TEX55: variants seen among roughly 807,000 people sequenced by gnomAD.
TEX55 encodes testis-specific expressed protein 55.
In TEX55, 31 loss-of-function variants were observed where a neutral mutation model predicts 44.6. That is an observed-to-expected ratio of 0.69 (90% CI 0.52 to 0.94). The LOEUF is 0.94. Among genes scored for constraint, TEX55 ranks in the 40% least tolerant of loss-of-function variants. The pLI is 0.00. For missense variants in TEX55, 639 were observed against 638.4 expected (o/e 1.00, Z -0.01); for synonymous variants, 230 against 230.9 (o/e 1.00, Z 0.04).
In TEX55 at chr3:119,146,247, G is replaced by T. The variant is rs559349551; in HGVS notation, c.58G>T (p.Ala20Ser). 5.6e-6 allele frequency: 9 copies of T among 1,613,166 alleles called. No individual in the cohort carries two copies. The African/African-American group carries it at 8.0e-5, about 14-fold the overall frequency. The part of the protein sequence containing the change: ...AEPLKHESPA[A>S]PSSAGHTKGQ... Reference sequence around the variant, plus strand: ...ACCCTTGAAACATGAAAGCCCAGCCGCTCCCTCAAGTGCTGGCCACACTAA... The same window carrying T: ...ACCCTTGAAACATGAAAGCCCAGCCTCTCCCTCAAGTGCTGGCCACACTAA... Residue 20 changes from alanine to serine, a missense_variant, in exon 1 of 3, where the codon GCT becomes TCT. Physicochemically the swap from Ala to Ser is moderately conservative, Grantham distance 99. Coordinates refer to ENST00000295622, the MANE Select transcript of TEX55 (RefSeq NM_152539.3).
intron 2 of TEX55, 45 bp downstream of exon 2, chr3:119,148,368 G>A: frequency 1.3e-6 from 2 of 1,552,428 alleles, no homozygotes; most frequent in African/African-American, 1.4e-5. Flanking sequence ...TTTTCAAGAG[G>A]TACAAGAAAG....
chr3:119,149,479 T>C (rs1377716164), intron 2 of TEX55, among the ~76,000 whole-genome samples: 1 of 152,158 alleles, frequency 6.6e-6, no homozygotes, highest in Non-Finnish European at 1.5e-5. Context: ...CTGAAAAACC[T>C]CCCTGCTGTT....
chr3:119,147,564 A>T lies in TEX55; in HGVS notation c.1375A>T (p.Thr459Ser), dbSNP rs199894612. The change falls in exon 1 of 3, where the codon ACT becomes TCT. Residue 459 changes from threonine (T) to serine (S), a missense_variant. Thr to Ser is a moderately conservative substitution (Grantham distance 58). Transcript: ENST00000295622. ...KLNYTSSQEK[T>S]QAIVTKSDEF... ...GAACTATACCAGCAGTCAAGAAAAA[A>T]CTCAAGCCATAGTAACCAAATCTGT... The T allele has an allele frequency of 8.1e-6, 13 of 1,612,480 alleles. No homozygotes were observed. The Admixed American group carries it at 1.3e-4, about 17-fold the overall frequency.
At position 119,147,195 on chromosome 3, in the gene TEX55, G is replaced by A; in HGVS notation, c.1006G>A (p.Asp336Asn). ...AHSNADQPPVDNAHYTESDQT... is the reference protein window; with the variant it reads ...AHSNADQPPVNNAHYTESDQT... The stretch of plus-strand genomic sequence containing the variant: ...TAGTAATGCTGATCAACCTCCAGTT[G>A]ACAATGCTCACTACACTGAATCTGA... The change falls in exon 1 of 3, where the codon GAC becomes AAC. Residue 336 changes from aspartate to asparagine, a missense_variant. Physicochemically the swap from Asp to Asn is conservative, Grantham distance 23 (BLOSUM62 1). Transcript: ENST00000295622. The A allele has an allele frequency of 6.2e-7, 1 of 1,614,092 alleles. No homozygotes were observed. The highest frequency in any genetic ancestry group is 8.5e-7 in the Non-Finnish European group (1 of 1,180,026).
Position 119,146,319 on chromosome 3 carries a change from G to GAT in TEX55, c.132_133dup (p.Asn45IlefsTer8), listed in dbSNP as rs769771921. 2 of 1,614,200 alleles carry GAT rather than the reference G, an allele frequency of 1.2e-6. No individual in the cohort carries two copies. Among genetic ancestry groups the GAT allele is most frequent in the South Asian group, 2.2e-5 (2 of 91,072 alleles). On this transcript the variant is annotated frameshift_variant, in exon 1 of 3. Coordinates refer to ENST00000295622, the MANE Select transcript of TEX55 (RefSeq NM_152539.3). LOFTEE classifies it high-confidence loss of function. ...GAAGAACCAGGCCGAAAGGAAGGCA[G>GAT]ATAACCACACTGCTCACAGAATAGC... is the stretch of plus-strand genomic sequence containing the variant.
chr3:119,147,593 T>C lies in TEX55; in HGVS notation c.1398+6T>C, dbSNP rs1340441151. 3 of 1,607,768 alleles carry C rather than the reference T, an allele frequency of 1.9e-6. No homozygotes were observed. In the African/African-American group the frequency reaches 4.0e-5, roughly 22 times the overall value. ...AAGCCATAGTAACCAAATCTGTAAG[T>C]TAAATGGGCATTTGATACCTACCTG... On this transcript the variant is annotated splice_donor_region_variant and intron_variant, in intron 1 of 2. Transcript: ENST00000295622.
At position 119,148,245 on chromosome 3, in the gene TEX55, C is replaced by T; in HGVS notation, c.1464C>T (p.Phe488=). ...TACGCAATCAAACTTATAGAAGGTTCCCTTCTATAGTTTATGAAGATCCTT... is the reference window on the plus strand; with the variant it reads ...TACGCAATCAAACTTATAGAAGGTTTCCTTCTATAGTTTATGAAGATCCTT... ...YHIRNQTYRR[F]PSIVYEDPYQ... The change falls in exon 2 of 3, where the codon TTC becomes TTT. Residue 488 remains phenylalanine (F), a synonymous_variant. Coordinates refer to ENST00000295622, the MANE Select transcript of TEX55 (RefSeq NM_152539.3). The T allele has an allele frequency of 1.4e-5, 23 of 1,605,856 alleles. No individual in the cohort carries two copies. The highest frequency in any genetic ancestry group is 2.0e-5 in the Non-Finnish European group (23 of 1,173,458).
Position 119,146,219 on chromosome 3 carries a change from T to C in TEX55, c.30T>C (p.Ala10=). The C allele has an allele frequency of 6.2e-7, 1 of 1,612,702 alleles. No individual in the cohort carries two copies. Among genetic ancestry groups the C allele is most frequent in the Non-Finnish European group, 8.5e-7 (1 of 1,179,450 alleles). The change falls in exon 1 of 3, where the codon GCT becomes GCC. Residue 10 remains alanine, a synonymous_variant. Coordinates refer to ENST00000295622, the MANE Select transcript of TEX55 (RefSeq NM_152539.3). ...AAGAGCCTCCGCAAGAGGCTCTGGC[T>C]GAACCCTTGAAACATGAAAGCCCAG... The part of the protein sequence containing the change: MEEPPQEAL[A]EPLKHESPAA...
rs537256418 is a variant in TEX55, at chr3:119,148,317, A to C, written c.1536A>C (p.Ile512=). The part of the protein sequence containing the change: ...QYMEKHHILQ[I]FQQITENLVY... ...TGGAAAAACACCACATTCTGCAAAT[A>C]TTCCAGGTAAACCTCTCAATTCCTC... Residue 512 remains isoleucine (I), a synonymous_variant, in exon 2 of 3, where the codon ATA becomes ATC. Transcript: ENST00000295622. 33 of 1,610,748 alleles carry C rather than the reference A, an allele frequency of 2.0e-5. No homozygotes were observed. The East Asian group carries it at 7.1e-4, about 35-fold the overall frequency.
At chr3:119,148,146 T>G in intron 1 of TEX55, 34 bp from the exon 2 acceptor site, 1 of 1,594,436 alleles carries the variant, frequency 6.3e-7, no homozygotes, top group Non-Finnish European at 8.5e-7. Context: ...TCAGGTTTAC[T>G]AAGGACTTTT....
chr3:119,151,386 A>C lies in TEX55; in HGVS notation c.*94A>C, dbSNP rs2077779482. 1 of 1,000,992 alleles carries C rather than the reference A, an allele frequency of 1.0e-6. No individual in the cohort carries two copies. The highest frequency in any genetic ancestry group is 1.6e-5 in the African/African-American group (1 of 60,804). 62.0% of individuals were successfully genotyped at this position (1,000,992 alleles called of 1,614,324 possible). A position where few individuals can be genotyped will look rare whatever the true frequency, so the allele number is the denominator to read the frequency against. ...ATAGAACAAAGTACGTACAACTCTG[A>C]ATTCTTATGAAGTAAACATACCTGT... On this transcript the variant is annotated 3_prime_UTR_variant, in exon 3 of 3. Transcript: ENST00000295622.
Position 119,147,463 on chromosome 3 carries a change from A to G in TEX55, c.1274A>G (p.Asp425Gly). The G allele has an allele frequency of 6.2e-7, 1 of 1,614,152 alleles. No individual in the cohort carries two copies. Among genetic ancestry groups the G allele is most frequent in the Non-Finnish European group, 8.5e-7 (1 of 1,180,028 alleles). The change falls in exon 1 of 3, where the codon GAT becomes GGT. Residue 425 changes from aspartate (D) to glycine (G), a missense_variant. Asp to Gly is a moderately conservative substitution (Grantham distance 94). Coordinates refer to ENST00000295622, the MANE Select transcript of TEX55 (RefSeq NM_152539.3). ...ACTATCCCACCCTACAACCCAGTTG[A>G]TGCCAGATTCACCAGTAACTTCCAA... ...ATTIPPYNPV[D>G]ARFTSNFQAK... is the part of the protein sequence containing the mutation.
In TEX55 at chr3:119,148,211, G is replaced by A; in HGVS notation, c.1430G>A (p.Gly477Asp). 1.9e-6 allele frequency: 3 copies of A among 1,609,178 alleles called. No homozygotes were observed. Among genetic ancestry groups the A allele is most frequent in the Non-Finnish European group, 1.7e-6 (2 of 1,178,540 alleles). ...DEFSEIDQGK[G>D]YHIRNQTYRR... is the part of the protein sequence containing the mutation. ...TTTTCAGAAATTGACCAAGGAAAGGGTTATCATATACGCAATCAAACTTAT... is the reference window on the plus strand; with the variant it reads ...TTTTCAGAAATTGACCAAGGAAAGGATTATCATATACGCAATCAAACTTAT... Residue 477 changes from glycine to aspartate, a missense_variant, in exon 2 of 3, where the codon GGT (glycine) becomes GAT (aspartate). By Grantham distance (94) the Gly-to-Asp change is moderately conservative. Coordinates refer to ENST00000295622, the MANE Select transcript of TEX55 (RefSeq NM_152539.3).
rs776508175 is a variant in TEX55, at chr3:119,146,264, C to T, written c.75C>T (p.Gly25=). 79 of 1,613,818 alleles carry T rather than the reference C, an allele frequency of 4.9e-5. No homozygotes were observed. Among genetic ancestry groups the T allele is most frequent in the Admixed American group, 6.7e-5 (4 of 59,994 alleles). Residue 25 remains glycine, a synonymous_variant, in exon 1 of 3, where the codon GGC becomes GGT. Transcript: ENST00000295622. ...HESPAAPSSA[G]HTKGQEEDDQ... is the part of the protein sequence containing the mutation. ...GCCCAGCCGCTCCCTCAAGTGCTGG[C>T]CACACTAAGGGCCAGGAAGAAGACG...
chr3:119,148,011 T>TA (rs2077747437), intron 1 of TEX55, among the ~76,000 whole-genome samples, 169 bp from the exon 2 acceptor site: 1 of 152,232 alleles, frequency 6.6e-6, no homozygotes, highest in East Asian at 2.0e-4. Context: ...TGAGGTGCAT[T>TA]ATATTGCACC....
At position 119,147,198 on chromosome 3, in the gene TEX55, A is replaced by C; in HGVS notation, c.1009A>C (p.Asn337His). 2 of 1,614,164 alleles carry C rather than the reference A, an allele frequency of 1.2e-6. No homozygotes were observed. The highest frequency in any genetic ancestry group is 1.7e-6 in the Non-Finnish European group (2 of 1,180,034). ...TAATGCTGATCAACCTCCAGTTGAC[A>C]ATGCTCACTACACTGAATCTGACCA... Reference protein sequence around the residue: ...HSNADQPPVDNAHYTESDQTD... With the variant: ...HSNADQPPVDHAHYTESDQTD... Residue 337 changes from asparagine (N) to histidine (H), a missense_variant, in exon 1 of 3, where the codon AAT becomes CAT. Coordinates refer to ENST00000295622, the MANE Select transcript of TEX55 (RefSeq NM_152539.3).
Position 119,146,207 on chromosome 3 carries a change from A to G in TEX55, c.18A>G (p.Gln6=). Residue 6 remains glutamine, a synonymous_variant, in exon 1 of 3, where the codon CAA becomes CAG. Coordinates refer to ENST00000295622, the MANE Select transcript of TEX55 (RefSeq NM_152539.3). ...GGCAGGAAATGGAAGAGCCTCCGCA[A>G]GAGGCTCTGGCTGAACCCTTGAAAC... MEEPP[Q]EALAEPLKHE... is the part of the protein sequence containing the mutation. 1 of 1,608,908 alleles carries G rather than the reference A, an allele frequency of 6.2e-7. No homozygotes were observed. The highest frequency in any genetic ancestry group is 8.5e-7 in the Non-Finnish European group (1 of 1,178,338).
Position 119,146,740 on chromosome 3 carries a change from G to C in TEX55, c.551G>C (p.Gly184Ala). 1 of 1,614,148 alleles carries C rather than the reference G, an allele frequency of 6.2e-7. No individual in the cohort carries two copies. The highest frequency in any genetic ancestry group is 8.5e-7 in the Non-Finnish European group (1 of 1,179,998). ...AGACAGACCGACCACAGAATGGCAG[G>C]CCAGTCTGAGAGAAGAGCTTCCGAG... ...GSRQTDHRMA[G>A]QSERRASEQM... Residue 184 changes from glycine to alanine, a missense_variant, in exon 1 of 3, where the codon GGC becomes GCC. Gly to Ala is a moderately conservative substitution (Grantham distance 60). Coordinates refer to ENST00000295622, the MANE Select transcript of TEX55 (RefSeq NM_152539.3).
At position 119,146,356 on chromosome 3, in the gene TEX55, C is replaced by A. The variant is rs1700781747; in HGVS notation, c.167C>A (p.Ala56Asp). 2 of 1,614,152 alleles carry A rather than the reference C, an allele frequency of 1.2e-6. No homozygotes were observed. Among genetic ancestry groups the A allele is most frequent in the African/African-American group, 2.7e-5 (2 of 75,032 alleles). ...HTAHRIADQT[A>D]LRVPSQAESS... ...GCTCACAGAATAGCTGACCAGACTG[C>A]CCTAAGAGTGCCTAGCCAGGCTGAA... Residue 56 changes from alanine (A) to aspartate (D), a missense_variant, in exon 1 of 3, where the codon GCC becomes GAC. By Grantham distance (126) the Ala-to-Asp change is moderately radical. Coordinates refer to ENST00000295622, the MANE Select transcript of TEX55 (RefSeq NM_152539.3).
Sources: allele counts gnomAD v4.1 joint callset (sites outside exome capture counted in the v4.1 genomes callset), GRCh38; gene constraint gnomAD v4.1.1; transcripts MANE v1.5; gene names NCBI Gene and HGNC (gene_info 2026-07-23, HGNC 2026-07-21).